Variants in CEP162 observed in about 807,000 individuals in gnomAD.
CEP162 encodes centrosomal protein 162.
Under a neutral mutation model 169.2 loss-of-function variants are expected in CEP162, and 141 were observed. The observed-to-expected ratio is 0.83, with a 90% CI of 0.73 to 0.96. The LOEUF is 0.96. Ranked by LOEUF, CEP162 falls within the 40% of genes least tolerant of loss-of-function variation. CEP162 has a pLI of 0.00. For missense variants in CEP162, 1,600 were observed against 1,587.2 expected (o/e 1.01, Z -0.14); for synonymous variants, 540 against 526.4 (o/e 1.03, Z -0.35).
At chr6:84,130,810 G>A (rs188850569) in intron 25 of CEP162, among the ~76,000 whole-genome samples, 1 of 152,242 alleles carries the variant, frequency 6.6e-6, no homozygotes, top group East Asian at 1.9e-4. Flanking sequence ...ACCAGCTCCT[G>A]AATTCACTGA....
intron 25 of CEP162, among the ~76,000 whole-genome samples, chr6:84,128,007 C>CT: frequency 6.6e-6 from 1 of 152,226 alleles, no homozygotes; most frequent in South Asian, 2.1e-4. Context: ...TTTATTAAGC[C>CT]TTATATATGT....
intron 23 of CEP162, among the ~76,000 whole-genome samples, chr6:84,151,574 G>T (rs975834656): frequency 6.6e-6 from 1 of 152,108 alleles, no homozygotes; most frequent in Non-Finnish European, 1.5e-5. Flanking sequence ...AGTAAATCTA[G>T]AAGTCATGGT....
At chr6:84,215,952 T>G (rs757832153) in intron 3 of CEP162, 30 bp from the exon 4 acceptor site, 5 of 1,491,850 alleles carry the variant, frequency 3.4e-6, no homozygotes, top group Non-Finnish European at 8.9e-7. Context: ...CAGATGAAGA[T>G]TTATGTTCAA....
At position 84,182,890 on chromosome 6, in the gene CEP162, T is replaced by C. The variant is rs61199634; in HGVS notation, c.1663+2297A>G. ...TCATCCTAACCAATGTTGATTTTAA[T>C]TTTAACTGCATTCTGTATATTTTCT... is the stretch of plus-strand genomic sequence containing the variant. On this transcript the variant is annotated intron_variant, in intron 13 of 26. Transcript: ENST00000403245. Among the ~76,000 whole-genome samples the C allele has an allele frequency of 3.4e-3, 525 of 152,256 alleles. 3 individuals are homozygous for C. The highest frequency in any genetic ancestry group is 0.012 in the African/African-American group (483 of 41,576).
chr6:84,146,281 A>C (rs2099518826), intron 25 of CEP162, among the ~76,000 whole-genome samples: 1 of 152,022 alleles, frequency 6.6e-6, no homozygotes, highest in African/African-American at 2.4e-5. Context: ...TTCTCTTATT[A>C]ATCTGTCTTT....
At chr6:84,193,295 A>T (rs1351751022) in intron 11 of CEP162, among the ~76,000 whole-genome samples, 1 of 152,254 alleles carries the variant, frequency 6.6e-6, no homozygotes, top group East Asian at 1.9e-4. Flanking sequence ...ACTCATAAAC[A>T]TAATAAAATT....
At chr6:84,143,616 C>G (rs956008265) in intron 25 of CEP162, among the ~76,000 whole-genome samples, 3 of 151,832 alleles carry the variant, frequency 2.0e-5, no homozygotes, top group African/African-American at 7.2e-5. Flanking sequence ...AATGTAGAAG[C>G]TTGCAGAAGG....
At chr6:84,202,936 G>A (rs1204970324) in intron 7 of CEP162, among the ~76,000 whole-genome samples, 1 of 152,036 alleles carries the variant, frequency 6.6e-6, no homozygotes, top group African/African-American at 2.4e-5. Context: ...AAAATAAGAA[G>A]ATTTATAGAC....
intron 25 of CEP162, among the ~76,000 whole-genome samples, chr6:84,135,243 A>G (rs2099513484): frequency 1.3e-5 from 2 of 152,244 alleles, no homozygotes; most frequent in Non-Finnish European, 2.9e-5. Context: ...AATAGCATCA[A>G]TAAAAAGCAT....
intron 25 of CEP162, among the ~76,000 whole-genome samples, chr6:84,128,760 G>A (rs972896820): frequency 1.1e-4 from 17 of 151,920 alleles, no homozygotes; most frequent in African/African-American, 4.1e-4. Context: ...TGTTACATAG[G>A]TATACACGTG....
intron 2 of CEP162, 104 bp downstream of exon 2, chr6:84,226,233 T>G (rs1461967723): frequency 1.3e-6 from 1 of 761,478 alleles, no homozygotes; most frequent in Non-Finnish European, 2.2e-6. Context: ...TGATGGGAAT[T>G]CAGAGTTTGG....
Position 84,146,778 on chromosome 6 carries a change from A to T in CEP162, c.3779T>A (p.Ile1260Lys). The stretch of plus-strand genomic sequence containing the variant: ...ATTAACTTGACTTTGGAAATGTCTT[A>T]TAAGTACCTAGGAAATTGTTAGAAG... The part of the protein sequence containing the change: ...NRKIATQEVL[I>K]RHFQSQVNEL... Residue 1260 changes from isoleucine to lysine, a missense_variant, in exon 25 of 27, where the codon ATA (isoleucine) becomes AAA (lysine). By Grantham distance (102) the Ile-to-Lys change is moderately radical. Transcript: ENST00000403245. The T allele has an allele frequency of 6.5e-7, 1 of 1,528,898 alleles. No homozygotes were observed. Among genetic ancestry groups the T allele is most frequent in the Non-Finnish European group, 8.9e-7 (1 of 1,120,240 alleles). The allele number at this position is 1,528,898 out of a possible 1,614,324, so 94.7% of individuals were successfully genotyped here.
chr6:84,161,474 A>G (rs1588761605), intron 20 of CEP162, among the ~76,000 whole-genome samples: 1 of 152,278 alleles, frequency 6.6e-6, no homozygotes, highest in Middle Eastern at 3.4e-3. Flanking sequence ...GTGGCTGGAG[A>G]AGAGTGACTC....
intron 22 of CEP162, 29 bp downstream of exon 22, chr6:84,155,269 C>CCATTG: frequency 6.4e-7 from 1 of 1,570,302 alleles, no homozygotes; most frequent in Non-Finnish European, 8.8e-7. Flanking sequence ...CATCTCTGAC[C>CCATTG]TTTATCTCTG....
At chr6:84,157,149 G>T (rs1426565460) in intron 21 of CEP162, among the ~76,000 whole-genome samples, 1 of 151,972 alleles carries the variant, frequency 6.6e-6, no homozygotes, top group Non-Finnish European at 1.5e-5. Flanking sequence ...CATATATATG[G>T]TCACAAATAT....
rs1039697043 is a variant in CEP162 at position 84,149,552 on chromosome 6, T to G, written c.3771+10A>C. ...TTCAAGTCAAAAGATAAAACAGATT[T>G]GTCATCTACCTCTTGAGTTGCTATT... On this transcript the variant is annotated intron_variant, in intron 24 of 26. Coordinates refer to ENST00000403245, the MANE Select transcript of CEP162 (RefSeq NM_014895.4). 6.4e-7 allele frequency: 1 copy of G among 1,565,878 alleles called. No individual in the cohort carries two copies. Among genetic ancestry groups the G allele is most frequent in the Non-Finnish European group, 8.6e-7 (1 of 1,158,144 alleles).
At chr6:84,165,524 A>G (rs190587436) in intron 18 of CEP162, among the ~76,000 whole-genome samples, 4 of 151,988 alleles carry the variant, frequency 2.6e-5, no homozygotes, top group South Asian at 4.1e-4. Context: ...GGCATTTATT[A>G]TTGTTTCCTA....
At chr6:84,202,144 G>A (rs1219994790) in intron 7 of CEP162, among the ~76,000 whole-genome samples, 1 of 152,122 alleles carries the variant, frequency 6.6e-6, no homozygotes, top group Non-Finnish European at 1.5e-5. Flanking sequence ...AGCATTACCA[G>A]TCTATTTTCC....
intron 25 of CEP162, among the ~76,000 whole-genome samples, chr6:84,143,496 G>A (rs2099517544): frequency 6.6e-6 from 1 of 151,872 alleles, no homozygotes; most frequent in South Asian, 2.1e-4. Flanking sequence ...AAAGTTATGA[G>A]GAATGAAGAT....
Sources: allele counts gnomAD v4.1 joint callset (sites outside exome capture counted in the v4.1 genomes callset), GRCh38; gene constraint gnomAD v4.1.1; transcripts MANE v1.5; gene names NCBI Gene and HGNC (gene_info 2026-07-23, HGNC 2026-07-21).